The following ANKRD29 variants were observed in gnomAD, a reference collection of about 807,000 sequenced individuals.
The protein encoded by ANKRD29 is ankyrin repeat domain-containing protein 29.
ANKRD29 carries 32 observed loss-of-function variants against 38.0 expected under a neutral mutation model. The observed-to-expected ratio is 0.84, with a 90% CI of 0.64 to 1.13. The LOEUF (loss-of-function observed/expected upper bound fraction) is 1.13. Ranked by LOEUF, ANKRD29 falls within the 50% of genes most tolerant of loss-of-function variation. ANKRD29 has a pLI of 0.00. For synonymous variants in ANKRD29, 135 were observed against 152.4 expected, an observed-to-expected ratio of 0.89 and a Z score of 0.84; for missense variants, 357 against 377.9, an observed-to-expected ratio of 0.94 and a Z score of 0.46.
intron 1 of ANKRD29, among the ~76,000 whole-genome samples, chr18:23,657,107 C>T (rs1460510073): frequency 6.6e-6 from 1 of 152,248 alleles, no homozygotes; most frequent in African/African-American, 2.4e-5. Context: ...CAACCTCTAC[C>T]TCACCTCACC....
intron 9 of ANKRD29, among the ~76,000 whole-genome samples, chr18:23,606,824 A>C (rs1434305961): frequency 1.3e-5 from 2 of 152,200 alleles, no homozygotes; most frequent in African/African-American, 4.8e-5. Flanking sequence ...TGATGGCAAC[A>C]CTGCACTCCA....
chr18:23,643,601 A>G (rs887859838), intron 3 of ANKRD29, among the ~76,000 whole-genome samples: 1 of 152,244 alleles, frequency 6.6e-6, no homozygotes, highest in African/African-American at 2.4e-5. Flanking sequence ...GCAGCAATCC[A>G]TAAATAGGAG....
At chr18:23,604,232 G>T (rs974173109) in intron 9 of ANKRD29, among the ~76,000 whole-genome samples, 10 of 152,076 alleles carry the variant, frequency 6.6e-5, no homozygotes, top group Admixed American at 1.3e-4. Context: ...CCTGACCATA[G>T]GTCAAAACGA....
At position 23,662,759 on chromosome 18, in the gene ANKRD29, G is replaced by A; in HGVS notation, c.-29C>T. 2.7e-6 allele frequency: 4 copies of A among 1,457,344 alleles called. No homozygotes were observed. The highest frequency in any genetic ancestry group is 3.6e-6 in the Non-Finnish European group (4 of 1,108,238). 90.3% of individuals were successfully genotyped at this position (1,457,344 alleles called of 1,614,324 possible). A position where few individuals can be genotyped will look rare whatever the true frequency, so the allele number is the denominator to read the frequency against. On this transcript the variant is annotated 5_prime_UTR_variant, in exon 1 of 10. Coordinates refer to ENST00000592179, the MANE Select transcript of ANKRD29 (RefSeq NM_173505.4). ...CGCGGCCGCCCGAGCGGGAGCCGGC[G>A]CGCTTTGGGCCCGGGGCGCCTTGTC...
At chr18:23,654,008 C>G (rs2060244957) in intron 1 of ANKRD29, among the ~76,000 whole-genome samples, 1 of 152,038 alleles carries the variant, frequency 6.6e-6, no homozygotes, top group Non-Finnish European at 1.5e-5. Flanking sequence ...TGTCTCACGC[C>G]TGTAATCTCA....
At chr18:23,630,953 G>C (rs2059923250) in intron 5 of ANKRD29, among the ~76,000 whole-genome samples, 2 of 118,080 alleles carry the variant, frequency 1.7e-5, no homozygotes, top group African/African-American at 6.3e-5. Flanking sequence ...AGGGAACAAA[G>C]TGAGACCCTG....
chr18:23,638,955 A>G lies in ANKRD29; in HGVS notation c.232-8T>C, dbSNP rs769442956. 1.8e-5 allele frequency: 29 copies of G among 1,582,678 alleles called. No homozygotes were observed. Among genetic ancestry groups the G allele is most frequent in the Non-Finnish European group, 2.5e-5 (29 of 1,164,660 alleles). On this transcript the variant is annotated splice_region_variant and splice_polypyrimidine_tract_variant and intron_variant, in intron 3 of 9. Transcript: ENST00000592179. ...TAGGGCAGTTGTACCTGACTGGGAGAGAGGGAGAGGCTAGTTTTAAAAGAC... is the reference window on the plus strand; with the variant it reads ...TAGGGCAGTTGTACCTGACTGGGAGGGAGGGAGAGGCTAGTTTTAAAAGAC...
At chr18:23,641,200 C>G (rs896574154) in intron 3 of ANKRD29, among the ~76,000 whole-genome samples, 2 of 152,244 alleles carry the variant, frequency 1.3e-5, no homozygotes, top group Non-Finnish European at 2.9e-5. Context: ...GGGCTGCATG[C>G]TCCTCAGGTC....
intron 3 of ANKRD29, among the ~76,000 whole-genome samples, chr18:23,645,219 A>G (rs770623131): frequency 6.6e-5 from 10 of 152,296 alleles, no homozygotes; most frequent in Admixed American, 1.3e-4. Flanking sequence ...GTGTGTCTCC[A>G]TAAAGATTAG....
chr18:23,616,004 G>A (rs992831669), intron 8 of ANKRD29, among the ~76,000 whole-genome samples: 5 of 147,994 alleles, frequency 3.4e-5, no homozygotes, highest in East Asian at 1.9e-4. Context: ...TACACATACC[G>A]TATGTATGTA....
chr18:23,656,052 C>G (rs953481066), intron 1 of ANKRD29, among the ~76,000 whole-genome samples: 5 of 145,944 alleles, frequency 3.4e-5, no homozygotes, highest in Admixed American at 3.4e-4. Flanking sequence ...GAGATCCCGC[C>G]ACTGCACTCC....
intron 1 of ANKRD29, 173 bp from the exon 2 acceptor site, chr18:23,649,366 TC>T: frequency 1.4e-6 from 1 of 705,570 alleles, no homozygotes. Flanking sequence ...TCTGTTGGAT[TC>T]CAGACACCTG....
At chr18:23,638,512 T>A (rs901085223) in intron 4 of ANKRD29, among the ~76,000 whole-genome samples, 1 of 152,098 alleles carries the variant, frequency 6.6e-6, no homozygotes, top group African/African-American at 2.4e-5. Context: ...AAAAAGAACA[T>A]GGAAACAGGG....
At position 23,601,273 on chromosome 18, in the gene ANKRD29, G is replaced by A. The variant is rs372274223; in HGVS notation, c.859C>T (p.Arg287Cys). Residue 287 changes from arginine to cysteine, a missense_variant, in exon 10 of 10, where the codon CGT becomes TGT. Transcript: ENST00000592179. Reference protein sequence around the residue: ...ELPAELTKNERILRLLRSKEG... With the variant: ...ELPAELTKNECILRLLRSKEG... ...TTACTTCTCAGGAGACGCAATATACGTTCATTTTTGGTTAGTTCTGCCGGA... is the reference window on the plus strand; with the variant it reads ...TTACTTCTCAGGAGACGCAATATACATTCATTTTTGGTTAGTTCTGCCGGA... 47 of 1,613,858 alleles carry A rather than the reference G, an allele frequency of 2.9e-5. 1 individual carries two copies. In the Middle Eastern group the frequency reaches 8.2e-4, roughly 28 times the overall value.
At chr18:23,611,671 C>T (rs1011537678) in intron 9 of ANKRD29, among the ~76,000 whole-genome samples, 2 of 151,946 alleles carry the variant, frequency 1.3e-5, no homozygotes, top group African/African-American at 2.4e-5. Context: ...GGTGACAGAG[C>T]GAGACTCCCT....
At chr18:23,641,254 T>C (rs1269445704) in intron 3 of ANKRD29, among the ~76,000 whole-genome samples, 1 of 152,108 alleles carries the variant, frequency 6.6e-6, no homozygotes, top group African/African-American at 2.4e-5. Context: ...CCCTATTGAG[T>C]TGGCTGTGCG....
chr18:23,616,863 T>C (rs1241624817), intron 8 of ANKRD29, among the ~76,000 whole-genome samples: 1 of 150,736 alleles, frequency 6.6e-6, no homozygotes, highest in Non-Finnish European at 1.5e-5. Flanking sequence ...ATTAAGACTT[T>C]ACAGAAAAAG....
chr18:23,629,237 G>A (rs2059899480), intron 6 of ANKRD29, among the ~76,000 whole-genome samples: 1 of 152,166 alleles, frequency 6.6e-6, no homozygotes, highest in Non-Finnish European at 1.5e-5. Flanking sequence ...CTCCTGCCTC[G>A]GCCTCCCAGG....
intron 6 of ANKRD29, among the ~76,000 whole-genome samples, chr18:23,624,106 T>C (rs1173569798): frequency 6.6e-6 from 1 of 152,074 alleles, no homozygotes; most frequent in African/African-American, 2.4e-5. Context: ...TACTTTGATA[T>C]TTTTAATACT....
Sources: gnomAD v4.1 joint callset for allele counts (sites outside exome capture counted in the v4.1 genomes callset) on GRCh38, gnomAD v4.1.1 for gene constraint, MANE v1.5 for transcripts, NCBI Gene and HGNC (gene_info 2026-07-23, HGNC 2026-07-21) for gene names.